The following BAZ2B variants were observed in gnomAD, a reference collection of about 807,000 sequenced individuals.
BAZ2B encodes bromodomain adjacent to zinc finger domain 2B, also known as bromodomain adjacent to zinc finger domain protein 2B.
A neutral mutation model predicts 246.0 loss-of-function variants in BAZ2B; 91 were observed. The ratio of observed to expected loss-of-function variants is 0.37; its 90% CI spans 0.31 to 0.44. The LOEUF (loss-of-function observed/expected upper bound fraction) is 0.44. Among genes scored for constraint, BAZ2B ranks in the 20% least tolerant of loss-of-function variants. The probability of loss-of-function intolerance (pLI) is 1.00; values close to 1 mark genes in which losing one functional copy is unlikely to be tolerated. For synonymous variants in BAZ2B, 855 were observed against 860.0 expected (o/e 0.99, Z 0.10); for missense variants, 2,332 against 2,533.7 (o/e 0.92, Z 1.71).
intron 31 of BAZ2B, among the ~76,000 whole-genome samples, chr2:159,343,371 G>A (rs2067104894): frequency 6.6e-6 from 1 of 152,056 alleles, no homozygotes; most frequent in Non-Finnish European, 1.5e-5. Flanking sequence ...CAAAAGCACA[G>A]GTAACAGAAG....
intron 2 of BAZ2B, among the ~76,000 whole-genome samples, chr2:159,494,766 A>T (rs926070971): frequency 6.6e-6 from 1 of 152,258 alleles, no homozygotes; most frequent in Non-Finnish European, 1.5e-5. Flanking sequence ...ACAAACTTTA[A>T]CCATTTATGA....
At position 159,448,282 on chromosome 2, in the gene BAZ2B, T is replaced by C. The variant is rs1355189030; in HGVS notation, c.462A>G (p.Ser154=). Residue 154 remains serine, a synonymous_variant, in exon 5 of 37, where the codon TCA becomes TCG. Transcript: ENST00000392783. The part of the protein sequence containing the change: ...AQNHDSSSFH[S]RTSGKSNRNG... ...TTCGATTACTTTTTCCCGAAGTCCT[T>C]GAATGGAATGAAGAAGAATCATGAT... is the stretch of plus-strand genomic sequence containing the variant. The C allele has an allele frequency of 1.2e-6, 2 of 1,612,812 alleles. No individual in the cohort carries two copies. Among genetic ancestry groups the C allele is most frequent in the Non-Finnish European group, 1.7e-6 (2 of 1,179,738 alleles).
At chr2:159,465,688 G>A (rs988290257) in intron 3 of BAZ2B, among the ~76,000 whole-genome samples, 4 of 152,154 alleles carry the variant, frequency 2.6e-5, no homozygotes, top group African/African-American at 4.8e-5. Flanking sequence ...TTGGGAGGCC[G>A]AGGTGGGCAG....
At chr2:159,448,143 A>ACAAG (rs1291641806) in intron 5 of BAZ2B, 99 bp downstream of exon 5, 5 of 1,378,950 alleles carry the variant, frequency 3.6e-6, no homozygotes, top group Non-Finnish European at 4.9e-6. Context: ...AAACAAACAA[A>ACAAG]CAAAAACAAA....
chr2:159,567,379 AC>A (rs1682880755), intron 1 of BAZ2B, among the ~76,000 whole-genome samples: 2 of 152,334 alleles, frequency 1.3e-5, no homozygotes, highest in East Asian at 3.9e-4. Context: ...TATATCACTT[AC>A]AGTATTCATA....
the BAZ2B span, among the ~76,000 whole-genome samples, chr2:159,688,389 A>T: frequency 1.3e-5 from 2 of 152,136 alleles, no homozygotes; most frequent in African/African-American, 2.4e-5. Flanking sequence ...AGATTGCCCA[A>T]ACTCAACGTT....
chr2:159,470,559 T>C (rs1393171341), intron 3 of BAZ2B, among the ~76,000 whole-genome samples: 1 of 152,144 alleles, frequency 6.6e-6, no homozygotes, highest in East Asian at 1.9e-4. Context: ...AGCATAGAAG[T>C]GGAGAGCCAG....
At chr2:159,587,267 A>C (rs1019571293) in intron 1 of BAZ2B, among the ~76,000 whole-genome samples, 1 of 152,036 alleles carries the variant, frequency 6.6e-6, no homozygotes, top group African/African-American at 2.4e-5. Context: ...TTTTTAGTAG[A>C]GATGGGGTTT....
the BAZ2B span, among the ~76,000 whole-genome samples, chr2:159,681,855 G>A: frequency 2.0e-5 from 3 of 152,164 alleles, no homozygotes. Context: ...AACCCAGGAG[G>A]TGGAGGTTGC....
In BAZ2B at chr2:159,453,727, G is replaced by A. The variant is rs764593815; in HGVS notation, c.220C>T (p.His74Tyr). ...GCTGAATGTAGACCAAAGACTGGGTGGCTGACCATTGGGAAGGCACTCGAC... is the reference window on the plus strand; with the variant it reads ...GCTGAATGTAGACCAAAGACTGGGTAGCTGACCATTGGGAAGGCACTCGAC... Reference protein sequence around the residue: ...TVSSAFPMVSHPVFGLHSASS... With the variant: ...TVSSAFPMVSYPVFGLHSASS... Residue 74 changes from histidine to tyrosine, a missense_variant, in exon 4 of 37, where the codon CAC becomes TAC. His to Tyr is a moderately conservative substitution (Grantham distance 83, BLOSUM62 2). Around this residue, in one of 9 missense-constraint regions of BAZ2B, gnomAD observed 242 missense variants for 237.4 expected, o/e 1.02. Transcript: ENST00000392783. The A allele has an allele frequency of 6.2e-7, 1 of 1,613,770 alleles. No individual in the cohort carries two copies. The highest frequency in any genetic ancestry group is 1.1e-5 in the South Asian group (1 of 91,012).
chr2:159,682,260 T>C, the BAZ2B span, among the ~76,000 whole-genome samples: 1 of 150,856 alleles, frequency 6.6e-6, no homozygotes, highest in East Asian at 2.0e-4. Context: ...AGGCTCACTG[T>C]AGCCTCCATC....
the BAZ2B span, among the ~76,000 whole-genome samples, chr2:159,639,236 C>A: frequency 5.9e-5 from 9 of 152,106 alleles, no homozygotes. Flanking sequence ...CCCAGACAGA[C>A]GAAAGCTGAG....
At chr2:159,423,148 T>C (rs2069085725) in intron 13 of BAZ2B, among the ~76,000 whole-genome samples, 1 of 152,036 alleles carries the variant, frequency 6.6e-6, no homozygotes, top group Non-Finnish European at 1.5e-5. Flanking sequence ...ACCCTGTCTC[T>C]ACTGAAAACA....
chr2:159,567,907 G>A (rs1019496437), intron 1 of BAZ2B, among the ~76,000 whole-genome samples: 25 of 152,186 alleles, frequency 1.6e-4, no homozygotes, highest in African/African-American at 6.0e-4. Context: ...GGGAGGCGGA[G>A]GTTGCCGTGA....
intron 1 of BAZ2B, among the ~76,000 whole-genome samples, chr2:159,565,661 C>T (rs952604615): frequency 6.6e-6 from 1 of 151,690 alleles, no homozygotes; most frequent in Non-Finnish European, 1.5e-5. Context: ...CCTGTAGTAC[C>T]AGCTACTTCG....
At chr2:159,530,162 A>G (rs1292046688) in intron 2 of BAZ2B, among the ~76,000 whole-genome samples, 2 of 152,218 alleles carry the variant, frequency 1.3e-5, no homozygotes, top group African/African-American at 4.8e-5. Context: ...ACTACCTATA[A>G]TATTGAAAGT....
intron 1 of BAZ2B, among the ~76,000 whole-genome samples, chr2:159,562,365 C>T (rs918978649): frequency 1.3e-5 from 2 of 152,178 alleles, no homozygotes; most frequent in Non-Finnish European, 2.9e-5. Context: ...GGCTATTAGA[C>T]TTGGTAAATT....
At chr2:159,465,288 A>G (rs901150155) in intron 3 of BAZ2B, among the ~76,000 whole-genome samples, 1 of 152,188 alleles carries the variant, frequency 6.6e-6, no homozygotes, top group Non-Finnish European at 1.5e-5. Flanking sequence ...CTGGATATGT[A>G]TTGGATTAAG....
intron 2 of BAZ2B, among the ~76,000 whole-genome samples, chr2:159,482,127 AAAAC>A (rs2079299766): frequency 1.5e-5 from 1 of 66,912 alleles, no homozygotes; most frequent in African/African-American, 4.7e-5. Flanking sequence ...AAAAAGTAAA[AAAAC>A]AAACAAAAAA....
Sources: allele counts gnomAD v4.1 joint callset (sites outside exome capture counted in the v4.1 genomes callset), GRCh38; gene constraint gnomAD v4.1.1; regional missense constraint gnomAD v4.1.1; transcripts MANE v1.5; gene names NCBI Gene and HGNC (gene_info 2026-07-23, HGNC 2026-07-21).